Variants in MAGI2 observed in about 807,000 individuals in gnomAD.
MAGI2 encodes the protein membrane associated guanylate kinase, WW and PDZ domain containing 2, also known as membrane-associated guanylate kinase, WW and PDZ domain-containing protein 2.
A neutral mutation model predicts 133.3 loss-of-function variants in MAGI2; 35 were observed. That is an observed-to-expected ratio of 0.26 (90% CI 0.20 to 0.35). The LOEUF (loss-of-function observed/expected upper bound fraction) is 0.35, where lower values mean the gene tolerates loss of function less well. Ranked by LOEUF, MAGI2 falls within the 10% of genes least tolerant of loss-of-function variation. The pLI, the probability that MAGI2 is intolerant of heterozygous loss-of-function variation, is 1.00. For missense variants in MAGI2, 1,636 were observed against 1,863.4 expected (o/e 0.88, Z 2.25); for synonymous variants, 729 against 710.6 (o/e 1.03, Z -0.41).
At chr7:79,183,757 T>C (rs959770939) in intron 1 of MAGI2, among the ~76,000 whole-genome samples, 2 of 151,852 alleles carry the variant, frequency 1.3e-5, no homozygotes, top group Admixed American at 1.3e-4. Flanking sequence ...AGTAGATAAA[T>C]AGATAAAGAA....
intron 9 of MAGI2, among the ~76,000 whole-genome samples, chr7:78,305,535 A>C (rs1584804192): frequency 1.3e-5 from 2 of 152,134 alleles, no homozygotes; most frequent in African/African-American, 2.4e-5. Flanking sequence ...ACAGATTGCT[A>C]CTGTGTTCTA....
At chr7:79,377,898 G>T (rs1843487336) in intron 1 of MAGI2, among the ~76,000 whole-genome samples, 1 of 151,812 alleles carries the variant, frequency 6.6e-6, no homozygotes, top group East Asian at 1.9e-4. Flanking sequence ...CATCCTCACA[G>T]AAAACAGCAC....
At chr7:78,460,667 C>T (rs1456765690) in intron 6 of MAGI2, among the ~76,000 whole-genome samples, 3 of 152,148 alleles carry the variant, frequency 2.0e-5, no homozygotes, top group African/African-American at 4.8e-5. Context: ...GAATACCTAG[C>T]CCATTTCTTG....
intron 1 of MAGI2, among the ~76,000 whole-genome samples, chr7:79,078,027 C>T (rs907513279): frequency 1.3e-5 from 2 of 152,140 alleles, no homozygotes; most frequent in African/African-American, 2.4e-5. Context: ...GAAGACTGCA[C>T]CTACTTATAC....
intron 15 of MAGI2, among the ~76,000 whole-genome samples, chr7:78,162,664 A>C (rs1374299294): frequency 6.6e-6 from 1 of 152,198 alleles, no homozygotes; most frequent in African/African-American, 2.4e-5. Context: ...GGGTAAGTCA[A>C]AGAGTCATAT....
chr7:79,153,973 G>T (rs1019350595), intron 1 of MAGI2, among the ~76,000 whole-genome samples: 1 of 152,060 alleles, frequency 6.6e-6, no homozygotes, highest in Non-Finnish European at 1.5e-5. Context: ...CATCACTTGG[G>T]CCAATGGCTT....
At position 78,194,976 on chromosome 7, in the gene MAGI2, G is replaced by A; in HGVS notation, c.2167C>T (p.Leu723Phe). The change falls in exon 12 of 22, where the codon CTT (leucine) becomes TTT (phenylalanine). Residue 723 changes from leucine (L) to phenylalanine (F), a missense_variant. This residue lies in a region of MAGI2 where 920 missense variants were observed against 1,093.5 expected (regional missense o/e 0.84). Coordinates refer to ENST00000354212, the MANE Select transcript of MAGI2 (RefSeq NM_012301.4). Reference sequence around the variant, plus strand: ...GAGTCAGGAAAGGAGCTCCTGTGAAGGGCAGGTGGGAAGGGCAGGTTCTGC... The same window carrying A: ...GAGTCAGGAAAGGAGCTCCTGTGAAAGGCAGGTGGGAAGGGCAGGTTCTGC... ...IPQNLPFPPA[L>F]HRSSFPDSTE... The A allele has an allele frequency of 6.2e-7, 1 of 1,614,126 alleles. No individual in the cohort carries two copies. The highest frequency in any genetic ancestry group is 2.2e-5 in the East Asian group (1 of 44,876).
At chr7:79,322,089 A>T (rs1447711660) in intron 1 of MAGI2, among the ~76,000 whole-genome samples, 1 of 152,204 alleles carries the variant, frequency 6.6e-6, no homozygotes, top group African/African-American at 2.4e-5. Flanking sequence ...CAATAGAAAA[A>T]AAATTAAAGG....
chr7:78,356,867 C>G lies in MAGI2; in HGVS notation c.1104-10824G>C, dbSNP rs144795450. On this transcript the variant is annotated intron_variant, in intron 7 of 21. Coordinates refer to ENST00000354212, the MANE Select transcript of MAGI2 (RefSeq NM_012301.4). ...AAAGTGAAAGCCACTTCCAATGAGT[C>G]TGAGTGGTCCTTCTCTTCCATCTTT... 3.9e-5 allele frequency among the ~76,000 whole-genome samples: 6 copies of G among 152,286 alleles called. No individual in the cohort carries two copies. In the East Asian group the frequency reaches 1.2e-3, roughly 29 times the overall value.
At chr7:79,148,406 T>C (rs2129546751) in intron 1 of MAGI2, among the ~76,000 whole-genome samples, 1 of 152,314 alleles carries the variant, frequency 6.6e-6, no homozygotes, top group Non-Finnish European at 1.5e-5. Flanking sequence ...CTTCACTGGG[T>C]GATCTGCCTA....
intron 3 of MAGI2, among the ~76,000 whole-genome samples, chr7:78,588,320 G>A (rs1803631690): frequency 1.3e-5 from 2 of 152,168 alleles, no homozygotes; most frequent in South Asian, 4.1e-4. Context: ...GAATTGGTGT[G>A]TATGTGTATG....
intron 6 of MAGI2, among the ~76,000 whole-genome samples, chr7:78,430,334 T>C (rs1799678923): frequency 1.4e-5 from 2 of 146,674 alleles, no homozygotes; most frequent in South Asian, 2.2e-4. Context: ...TAAATATGCA[T>C]ATATATTCTA....
chr7:78,740,017 T>C (rs1378796863), intron 2 of MAGI2, among the ~76,000 whole-genome samples: 4 of 151,954 alleles, frequency 2.6e-5, no homozygotes, highest in Non-Finnish European at 4.4e-5. Context: ...AAAAATTAGC[T>C]GGGCGTGGTG....
chr7:78,379,833 G>C (rs553227579), intron 6 of MAGI2, among the ~76,000 whole-genome samples: 1 of 152,100 alleles, frequency 6.6e-6, no homozygotes, highest in South Asian at 2.1e-4. Context: ...AGCAGAAATA[G>C]TGCAAACAAT....
At chr7:78,687,364 G>A (rs927090572) in intron 2 of MAGI2, among the ~76,000 whole-genome samples, 4 of 152,158 alleles carry the variant, frequency 2.6e-5, no homozygotes, top group African/African-American at 9.7e-5. Flanking sequence ...GAGATAAACT[G>A]TATTTTAAAA....
At chr7:79,406,519 A>T (rs1271739135) in intron 1 of MAGI2, among the ~76,000 whole-genome samples, 1 of 152,124 alleles carries the variant, frequency 6.6e-6, no homozygotes, top group Non-Finnish European at 1.5e-5. Flanking sequence ...TGTCAGACAC[A>T]TTTAGAAAAG....
At chr7:78,360,362 T>C (rs1016215395) in intron 7 of MAGI2, among the ~76,000 whole-genome samples, 30 of 152,278 alleles carry the variant, frequency 2.0e-4, no homozygotes, top group African/African-American at 5.8e-4. Context: ...ACCAAGAGGA[T>C]AGGATCTTGA....
At chr7:78,576,362 T>C (rs749469818) in intron 3 of MAGI2, among the ~76,000 whole-genome samples, 71 of 152,310 alleles carry the variant, frequency 4.7e-4, no homozygotes, top group Non-Finnish European at 8.4e-4. Context: ...AGAGATTTTA[T>C]GTTTGAATCT....
intron 1 of MAGI2, among the ~76,000 whole-genome samples, chr7:79,194,045 T>C (rs1175463434): frequency 6.6e-6 from 1 of 151,982 alleles, no homozygotes; most frequent in African/African-American, 2.4e-5. Context: ...CAAAAGGTCA[T>C]TTCTTAACTA....
Sources: gnomAD v4.1 joint callset for allele counts (sites outside exome capture counted in the v4.1 genomes callset) on GRCh38, gnomAD v4.1.1 for gene constraint, gnomAD v4.1.1 regional missense constraint, MANE v1.5 for transcripts, NCBI Gene and HGNC (gene_info 2026-07-23, HGNC 2026-07-21) for gene names.